Variants in ARHGEF38 observed in about 807,000 individuals in gnomAD.
ARHGEF38 encodes Rho guanine nucleotide exchange factor (GEF) 38.
In ARHGEF38, 79 loss-of-function variants were observed where a neutral mutation model predicts 79.9. The ratio of observed to expected loss-of-function variants is 0.99; its 90% CI spans 0.82 to 1.19. The LOEUF (loss-of-function observed/expected upper bound fraction) is 1.19. Among genes scored for constraint, ARHGEF38 ranks in the 50% most tolerant of loss-of-function variants. The probability of loss-of-function intolerance (pLI) is 0.00; values close to 1 mark genes in which losing one functional copy is unlikely to be tolerated. For synonymous variants in ARHGEF38, 366 were observed against 328.3 expected (o/e 1.11, Z -1.24); for missense variants, 962 against 907.2 (o/e 1.06, Z -0.78).
chr4:105,603,032 C>T (rs1289124458), intron 2 of ARHGEF38, among the ~76,000 whole-genome samples: 1 of 152,098 alleles, frequency 6.6e-6, no homozygotes, highest in African/African-American at 2.4e-5. Flanking sequence ...AGGACTCTGG[C>T]AGTCCCATCA....
intron 4 of ARHGEF38, chr4:105,631,253 A>T: frequency 8.1e-7 from 1 of 1,236,874 alleles, no homozygotes; most frequent in Non-Finnish European, 1.0e-6. Context: ...TAAAAATAAC[A>T]TGGAAGAAGA....
Position 105,679,157 on chromosome 4 carries a change from T to C in ARHGEF38, c.*1220T>C. On this transcript the variant is annotated 3_prime_UTR_variant, in exon 14 of 14. Transcript: ENST00000420470. The stretch of plus-strand genomic sequence containing the variant: ...GAGCAACTGCTTTGTCGACTCTCTC[T>C]ACCTGACCAATTGCCAGATCGACAA... 1 of 621,628 alleles carries C rather than the reference T, an allele frequency of 1.6e-6. No individual in the cohort carries two copies. Among genetic ancestry groups the C allele is most frequent in the Non-Finnish European group, 2.8e-6 (1 of 357,660 alleles). 38.5% of individuals were successfully genotyped at this position (621,628 alleles called of 1,614,324 possible).
chr4:105,590,106 GGAAGGAAGGAAGGAAGGAAGGAAA>G (rs1169642472), intron 2 of ARHGEF38, among the ~76,000 whole-genome samples: 2 of 135,622 alleles, frequency 1.5e-5, no homozygotes, highest in African/African-American at 6.3e-5. Flanking sequence ...AAGGAAGGAA[GGAAGGAAGGAAGGAAGGAAGGAAA>G]GAAAGAAAAA....
Position 105,677,709 on chromosome 4 carries a change from T to C in ARHGEF38, c.2149-43T>C. ...AACTTTTATGATGTTTCTCTTAATATTCAGGTTCCAATTCCAATAATGTCT... is the reference window on the plus strand; with the variant it reads ...AACTTTTATGATGTTTCTCTTAATACTCAGGTTCCAATTCCAATAATGTCT... On this transcript the variant is annotated intron_variant, in intron 13 of 13. Coordinates refer to ENST00000420470, the MANE Select transcript of ARHGEF38 (RefSeq NM_001242729.2). 2.2e-6 allele frequency: 3 copies of C among 1,360,320 alleles called. No homozygotes were observed. In the East Asian group the frequency reaches 7.8e-5, roughly 35 times the overall value. The allele number at this position is 1,360,320 out of a possible 1,614,324, so 84.3% of individuals were successfully genotyped here. A position where few individuals can be genotyped will look rare whatever the true frequency, so the allele number is the denominator to read the frequency against.
At chr4:105,616,713 C>G (rs1288198287) in intron 3 of ARHGEF38, among the ~76,000 whole-genome samples, 5 of 152,116 alleles carry the variant, frequency 3.3e-5, no homozygotes, top group Non-Finnish European at 5.9e-5. Flanking sequence ...GAGCCTATAA[C>G]ACACAAAATA....
intron 8 of ARHGEF38, 125 bp downstream of exon 8, chr4:105,654,294 A>AGT (rs1730235019): frequency 1.8e-6 from 1 of 559,076 alleles, no homozygotes; most frequent in African/African-American, 1.9e-5. Context: ...CCGGATCAAA[A>AGT]TTGGAAGGCT....
chr4:105,610,332 G>A (rs1294003822), intron 2 of ARHGEF38, among the ~76,000 whole-genome samples: 1 of 151,834 alleles, frequency 6.6e-6, no homozygotes, highest in African/African-American at 2.4e-5. Context: ...TTTTTCAGAA[G>A]AAAATTTTAA....
chr4:105,598,130 G>C (rs1727664336), intron 2 of ARHGEF38, among the ~76,000 whole-genome samples: 1 of 152,024 alleles, frequency 6.6e-6, no homozygotes, highest in African/African-American at 2.4e-5. Context: ...TATGTATCTT[G>C]GCTGTTTCTC....
In ARHGEF38 at chr4:105,659,265, A is replaced by G. The variant is rs1730464887; in HGVS notation, c.1445A>G (p.Gln482Arg). The G allele has an allele frequency of 8.5e-6, 13 of 1,536,128 alleles. No individual in the cohort carries two copies. The East Asian group carries it at 2.9e-4, about 35-fold the overall frequency. Residue 482 changes from glutamine to arginine, a missense_variant, in exon 10 of 14, where the codon CAG (glutamine) becomes CGG (arginine). Coordinates refer to ENST00000420470, the MANE Select transcript of ARHGEF38 (RefSeq NM_001242729.2). ...QLVEELQAFN[Q>R]AARKILLNCL... ...GTGGAGGAGCTCCAGGCATTCAACCAGGCTGCTCGGAAGATTCTGTTGAAC... is the reference window on the plus strand; with the variant it reads ...GTGGAGGAGCTCCAGGCATTCAACCGGGCTGCTCGGAAGATTCTGTTGAAC...
At chr4:105,557,721 A>T (rs146624903) in intron 1 of ARHGEF38, among the ~76,000 whole-genome samples, 12 of 152,082 alleles carry the variant, frequency 7.9e-5, no homozygotes, top group African/African-American at 2.9e-4. Context: ...GATCTTCCGC[A>T]TTAGGAATAA....
At chr4:105,580,074 C>T (rs1241596948) in intron 1 of ARHGEF38, among the ~76,000 whole-genome samples, 1 of 150,404 alleles carries the variant, frequency 6.6e-6, no homozygotes, top group African/African-American at 2.5e-5. Context: ...GTGGTATTAC[C>T]TCTTTTGCCA....
At chr4:105,641,673 T>C (rs2110533707) in intron 5 of ARHGEF38, among the ~76,000 whole-genome samples, 1 of 152,088 alleles carries the variant, frequency 6.6e-6, no homozygotes, top group East Asian at 1.9e-4. Context: ...TTTTTTTATG[T>C]ATTTTTTCCT....
rs1731191983 is a variant in ARHGEF38 at position 105,678,381 on chromosome 4, A to ATCCATATACG, written c.*445_*446insCCATATACGT. 1 of 154,258 alleles carries ATCCATATACG rather than the reference A, an allele frequency of 6.5e-6. No homozygotes were observed. The highest frequency in any genetic ancestry group is 1.4e-5 in the Non-Finnish European group (1 of 69,356). 9.6% of individuals were successfully genotyped at this position (154,258 alleles called of 1,614,324 possible). ...TACATACATATAAACCATATATATT[A>ATCCATATACG]TGTAGCTTTATACACGTATGTGGAT... On this transcript the variant is annotated 3_prime_UTR_variant, in exon 14 of 14. Coordinates refer to ENST00000420470, the MANE Select transcript of ARHGEF38 (RefSeq NM_001242729.2).
intron 1 of ARHGEF38, among the ~76,000 whole-genome samples, chr4:105,585,606 A>T (rs1726995809): frequency 6.6e-6 from 1 of 152,078 alleles, no homozygotes; most frequent in African/African-American, 2.4e-5. Flanking sequence ...AGCAATCTGA[A>T]TATCCTTTTA....
At chr4:105,677,705 A>C in intron 13 of ARHGEF38, 47 bp from the exon 14 acceptor site, 20 of 1,349,216 alleles carry the variant, frequency 1.5e-5, no homozygotes, top group Non-Finnish European at 1.7e-5. Context: ...TGTTTCTCTT[A>C]ATATTCAGGT....
intron 2 of ARHGEF38, 49 bp from the exon 3 acceptor site, chr4:105,613,335 T>C (rs1400961578): frequency 1.7e-5 from 27 of 1,588,804 alleles, no homozygotes; most frequent in Non-Finnish European, 2.3e-5. Flanking sequence ...GGAGAAAACA[T>C]CCTAAATACA....
chr4:105,574,982 A>G (rs139460938), intron 1 of ARHGEF38, among the ~76,000 whole-genome samples: 1 of 136,838 alleles, frequency 7.3e-6, no homozygotes, highest in East Asian at 2.2e-4. Flanking sequence ...TATAGCATAT[A>G]TATATATGTA....
chr4:105,636,138 G>T (rs1293786775), intron 4 of ARHGEF38, among the ~76,000 whole-genome samples: 6 of 151,886 alleles, frequency 4.0e-5, no homozygotes, highest in Non-Finnish European at 8.8e-5. Context: ...CAAATGGTTG[G>T]AAACCAAAGC....
intron 13 of ARHGEF38, among the ~76,000 whole-genome samples, chr4:105,668,813 T>C (rs1730861426): frequency 6.6e-6 from 1 of 152,108 alleles, no homozygotes; most frequent in African/African-American, 2.4e-5. Context: ...TTTGTGAGGC[T>C]GAGGTGGGAG....
Sources: gnomAD v4.1 joint callset for allele counts (sites outside exome capture counted in the v4.1 genomes callset) on GRCh38, gnomAD v4.1.1 for gene constraint, MANE v1.5 for transcripts, NCBI Gene and HGNC (gene_info 2026-07-23, HGNC 2026-07-21) for gene names.